SDK2: variants seen among roughly 807,000 people sequenced by gnomAD.
SDK2 encodes sidekick cell adhesion molecule 2.
A neutral mutation model predicts 253.9 loss-of-function variants in SDK2; 105 were observed. That is an observed-to-expected ratio of 0.41 (90% CI 0.35 to 0.49). The LOEUF (loss-of-function observed/expected upper bound fraction) is 0.49, where lower values mean the gene tolerates loss of function less well. Among genes scored for constraint, SDK2 ranks in the 20% least tolerant of loss-of-function variants. The pLI, the probability that SDK2 is intolerant of heterozygous loss-of-function variation, is 0.06. For synonymous variants in SDK2, 1,249 were observed against 1,234.9 expected (o/e 1.01, Z -0.24); for missense variants, 2,608 against 3,003.0 (o/e 0.87, Z 3.07).
rs149737212 is a variant in SDK2 at position 73,643,369 on chromosome 17, G to A, written c.64+656C>T. Among the ~76,000 whole-genome samples the A allele has an allele frequency of 8.5e-5, 13 of 152,258 alleles. No homozygotes were observed. Among genetic ancestry groups the A allele is most frequent in the African/African-American group, 3.1e-4 (13 of 41,574 alleles). On this transcript the variant is annotated intron_variant, in intron 1 of 44. Transcript: ENST00000392650. The surrounding 1 kb of genome is among the most constrained non-coding windows in gnomAD (Gnocchi z 6.9). The stretch of plus-strand genomic sequence containing the variant: ...GTGTGGGTGGATGGGTAGGAGGGGA[G>A]GCCTCAGACCCTCCCTGTGCACCAC...
chr17:73,584,884 A>C (rs1567856844), intron 1 of SDK2, among the ~76,000 whole-genome samples: 1 of 152,360 alleles, frequency 6.6e-6, no homozygotes, highest in East Asian at 1.9e-4. Context: ...TCAGAACAGG[A>C]AGACGCTCAG....
intron 36 of SDK2, among the ~76,000 whole-genome samples, chr17:73,370,934 T>C (rs1412430892): frequency 6.6e-6 from 1 of 151,852 alleles, no homozygotes; most frequent in African/African-American, 2.4e-5. Context: ...AGTGGTGGTG[T>C]GCACCTGCAG....
chr17:73,536,930 TTACA>T (rs1200349308), intron 1 of SDK2, among the ~76,000 whole-genome samples: 1 of 152,162 alleles, frequency 6.6e-6, no homozygotes. Flanking sequence ...TGCACTTTAC[TTACA>T]TAATGGGTCA....
At chr17:73,600,398 C>G (rs1284128438) in intron 1 of SDK2, among the ~76,000 whole-genome samples, 1 of 152,198 alleles carries the variant, frequency 6.6e-6, no homozygotes, top group Non-Finnish European at 1.5e-5. Flanking sequence ...AAACGGGACG[C>G]CTTCCCAACA....
At chr17:73,369,704 G>A (rs2062718734) in intron 36 of SDK2, among the ~76,000 whole-genome samples, 1 of 152,292 alleles carries the variant, frequency 6.6e-6, no homozygotes, top group African/African-American at 2.4e-5. Flanking sequence ...TGTCACACAG[G>A]CTGGAGTGCT....
intron 1 of SDK2, among the ~76,000 whole-genome samples, chr17:73,610,823 T>C (rs748935755): frequency 6.6e-6 from 1 of 152,050 alleles, no homozygotes; most frequent in South Asian, 2.1e-4. Flanking sequence ...GAGGAGTGTA[T>C]GTGTGGTGTG....
At chr17:73,588,575 T>G (rs958141214) in intron 1 of SDK2, among the ~76,000 whole-genome samples, 1 of 152,014 alleles carries the variant, frequency 6.6e-6, no homozygotes, top group Admixed American at 6.5e-5. Flanking sequence ...CAGGGCCAAC[T>G]CAACTTTGCC....
chr17:73,456,166 T>C, intron 3 of SDK2, 113 bp from the exon 4 acceptor site: 1 of 1,211,132 alleles, frequency 8.3e-7, no homozygotes, highest in Non-Finnish European at 1.1e-6. Flanking sequence ...GCAGACAGGA[T>C]GACCACAGGG....
chr17:73,374,797 C>T (rs906705634), intron 36 of SDK2, among the ~76,000 whole-genome samples: 12 of 152,234 alleles, frequency 7.9e-5, no homozygotes, highest in African/African-American at 2.6e-4. Context: ...ACCAGCTCTG[C>T]TGTTGGGACT....
chr17:73,635,457 A>T (rs961160961), intron 1 of SDK2, among the ~76,000 whole-genome samples: 5 of 151,798 alleles, frequency 3.3e-5, no homozygotes, highest in Admixed American at 3.3e-4. Flanking sequence ...GATATTTTTG[A>T]CCTTTACTCA....
Position 73,352,651 on chromosome 17 carries a change from G to A in SDK2, c.5594-14C>T. On this transcript the variant is annotated splice_polypyrimidine_tract_variant and intron_variant, in intron 40 of 44. Transcript: ENST00000392650. This position sits in a 1 kb window ranked among gnomAD's most constrained non-coding sequence, Gnocchi z 4.1. ...ATAGTCCCTCGTCTGCAGGAGCACA[G>A]AGATGGAGGCCCTGGGAGGTGAGGG... The A allele has an allele frequency of 1.2e-6, 2 of 1,612,906 alleles. No individual in the cohort carries two copies. Among genetic ancestry groups the A allele is most frequent in the Non-Finnish European group, 1.7e-6 (2 of 1,178,980 alleles).
At chr17:73,589,274 C>T (rs987769516) in intron 1 of SDK2, among the ~76,000 whole-genome samples, 2 of 152,264 alleles carry the variant, frequency 1.3e-5, no homozygotes, top group African/African-American at 2.4e-5. Flanking sequence ...AAACACACAA[C>T]CCTGAAGGGC....
intron 1 of SDK2, among the ~76,000 whole-genome samples, chr17:73,584,587 G>A (rs534635870): frequency 6.6e-6 from 1 of 152,370 alleles, no homozygotes; most frequent in Admixed American, 6.5e-5. Context: ...AGCACCTTCT[G>A]GGACCAGTGC....
At chr17:73,552,003 T>C (rs915131444) in intron 1 of SDK2, among the ~76,000 whole-genome samples, 1 of 152,120 alleles carries the variant, frequency 6.6e-6, no homozygotes, top group African/African-American at 2.4e-5. Flanking sequence ...CAACCAAGAC[T>C]GTGGGACAGC....
rs2063609065 is a variant in SDK2, at chr17:73,467,303, T to A, written c.331+4809A>T. ...GTCCTCAAGCAGTAGAGTGGCGCTG[T>A]TTTGGAATCAGGCAGTCATGGGTTC... On this transcript the variant is annotated intron_variant, in intron 3 of 44. Coordinates refer to ENST00000392650, the MANE Select transcript of SDK2 (RefSeq NM_001144952.2). The surrounding 1 kb of genome is among the most constrained non-coding windows in gnomAD (Gnocchi z 4.1). 6.6e-6 allele frequency among the ~76,000 whole-genome samples: 1 copy of A among 152,026 alleles called. No homozygotes were observed. Among genetic ancestry groups the A allele is most frequent in the Admixed American group, 6.6e-5 (1 of 15,254 alleles).
At chr17:73,451,236 G>A (rs757159827) in intron 4 of SDK2, among the ~76,000 whole-genome samples, 2 of 152,258 alleles carry the variant, frequency 1.3e-5, no homozygotes, top group African/African-American at 4.8e-5. Flanking sequence ...GCTGGGCACG[G>A]TGGCTCATGC....
chr17:73,428,173 C>T (rs143806432), intron 12 of SDK2, among the ~76,000 whole-genome samples: 1 of 152,272 alleles, frequency 6.6e-6, no homozygotes, highest in East Asian at 1.9e-4. Context: ...TGGCCAAAAT[C>T]CAGCTGGGCA....
chr17:73,513,836 A>T (rs1301676885), intron 1 of SDK2: 3 of 152,212 alleles, frequency 2.0e-5, no homozygotes, highest in African/African-American at 7.2e-5. Context: ...CAGGCATGGA[A>T]TAGGGTGGAT....
chr17:73,423,629 G>T, intron 13 of SDK2, 107 bp from the exon 14 acceptor site: 1 of 1,279,918 alleles, frequency 7.8e-7, no homozygotes, highest in Non-Finnish European at 1.0e-6. Flanking sequence ...GATACCGCAT[G>T]CTTAGACGTA....
Sources: allele counts gnomAD v4.1 joint callset (sites outside exome capture counted in the v4.1 genomes callset), GRCh38; gene constraint gnomAD v4.1.1; non-coding constraint Gnocchi (gnomAD v3.1); transcripts MANE v1.5; gene names NCBI Gene and HGNC (gene_info 2026-07-23, HGNC 2026-07-21).